Variants in CNTNAP2 observed in about 807,000 individuals in gnomAD.
CNTNAP2 encodes contactin-associated protein-like 2.
CNTNAP2 carries 98 observed loss-of-function variants against 155.2 expected under a neutral mutation model. The ratio of observed to expected loss-of-function variants is 0.63; its 90% CI spans 0.54 to 0.75. The LOEUF is 0.75. Among genes scored for constraint, CNTNAP2 ranks in the 30% least tolerant of loss-of-function variants. CNTNAP2 has a pLI of 0.00. For missense variants in CNTNAP2, 1,727 were observed against 1,688.1 expected, an observed-to-expected ratio of 1.02 and a Z score of -0.40; for synonymous variants, 651 against 631.2, an observed-to-expected ratio of 1.03 and a Z score of -0.47.
intron 1 of CNTNAP2, among the ~76,000 whole-genome samples, chr7:146,421,188 G>A (rs1307844179): frequency 6.6e-6 from 1 of 151,826 alleles, no homozygotes; most frequent in Non-Finnish European, 1.5e-5. Flanking sequence ...ACCATATAAT[G>A]GAATTTATTT....
intron 15 of CNTNAP2, among the ~76,000 whole-genome samples, chr7:147,993,881 C>A (rs1801757960): frequency 6.6e-6 from 1 of 152,034 alleles, no homozygotes; most frequent in African/African-American, 2.4e-5. Context: ...TACCTGTTTC[C>A]TTCCCCCTTC....
At chr7:146,712,008 T>A (rs867233146) in intron 1 of CNTNAP2, among the ~76,000 whole-genome samples, 1 of 39,324 alleles carries the variant, frequency 2.5e-5, no homozygotes, top group African/African-American at 2.1e-4. Flanking sequence ...TTATGTATAC[T>A]ATATAGTATA....
At chr7:147,985,115 AAAATAAATAAAT>A (rs111265967) in intron 15 of CNTNAP2, among the ~76,000 whole-genome samples, 30 of 145,472 alleles carry the variant, frequency 2.1e-4, no homozygotes, top group Non-Finnish European at 3.1e-4. Flanking sequence ...ACTCTGTCAA[AAAATAAATAAAT>A]AAATAAATAA....
chr7:148,202,723 G>A (rs1470062466), intron 18 of CNTNAP2, among the ~76,000 whole-genome samples: 1 of 152,128 alleles, frequency 6.6e-6, no homozygotes, highest in South Asian at 2.1e-4. Flanking sequence ...GAAGACAAAG[G>A]GGGATCTGGC....
chr7:148,409,430 C>G lies in CNTNAP2; in HGVS notation c.3755C>G (p.Ala1252Gly), dbSNP rs1799776710. The change falls in exon 23 of 24, where the codon GCT (alanine) becomes GGT (glycine). Residue 1252 changes from alanine (A) to glycine (G), a missense_variant. Coordinates refer to ENST00000361727, the MANE Select transcript of CNTNAP2 (RefSeq NM_014141.6). ...CCATATAATCCAGGACAAGGCCAAGCTATAAGAAATGGAGTCAACAGAAAC... is the reference window on the plus strand; with the variant it reads ...CCATATAATCCAGGACAAGGCCAAGGTATAAGAAATGGAGTCAACAGAAAC... ...DFPYNPGQGQAIRNGVNRNSA... is the reference protein window; with the variant it reads ...DFPYNPGQGQGIRNGVNRNSA... 2 of 1,613,728 alleles carry G rather than the reference C, an allele frequency of 1.2e-6. No individual in the cohort carries two copies. Among genetic ancestry groups the G allele is most frequent in the Non-Finnish European group, 1.7e-6 (2 of 1,179,850 alleles).
At chr7:147,891,732 A>T (rs1392965694) in intron 13 of CNTNAP2, among the ~76,000 whole-genome samples, 1 of 152,220 alleles carries the variant, frequency 6.6e-6, no homozygotes, top group Non-Finnish European at 1.5e-5. Flanking sequence ...TGGATATAAG[A>T]ATAATCTTAT....
chr7:147,559,172 G>A (rs769546198), intron 11 of CNTNAP2, among the ~76,000 whole-genome samples: 3 of 152,192 alleles, frequency 2.0e-5, no homozygotes, highest in Non-Finnish European at 4.4e-5. Flanking sequence ...CACCGTGCCC[G>A]GCCTAATTGT....
chr7:148,134,270 A>G (rs1038866984), intron 16 of CNTNAP2, among the ~76,000 whole-genome samples: 2 of 151,920 alleles, frequency 1.3e-5, no homozygotes, highest in Non-Finnish European at 2.9e-5. Flanking sequence ...TATTCTACAG[A>G]GTCTTTCTGG....
chr7:146,459,390 C>T (rs56111149), intron 1 of CNTNAP2, among the ~76,000 whole-genome samples: 1,990 of 152,236 alleles, frequency 0.013, 29 homozygotes, highest in Middle Eastern at 0.061. Flanking sequence ...TCAGGTAGCT[C>T]CAATTGCAAG....
intron 1 of CNTNAP2, among the ~76,000 whole-genome samples, chr7:146,292,083 A>G (rs886272027): frequency 2.2e-4 from 34 of 152,172 alleles, no homozygotes; most frequent in African/African-American, 6.3e-4. Flanking sequence ...CTGAGTAGAC[A>G]TTTTTCAAAA....
rs529312100 is a variant in CNTNAP2, at chr7:147,297,140, G to T, written c.1349-3001G>T. 3.3e-5 allele frequency among the ~76,000 whole-genome samples: 5 copies of T among 152,210 alleles called. No homozygotes were observed. The East Asian group carries it at 7.8e-4, about 24-fold the overall frequency. On this transcript the variant is annotated intron_variant, in intron 8 of 23. Transcript: ENST00000361727. ...AGAATGAGTCATATTGCACATTACC[G>T]TGTAGAGCTGAGAAGCCATAGTCAG...
At chr7:147,713,915 GTA>G (rs1333358597) in intron 13 of CNTNAP2, among the ~76,000 whole-genome samples, 1 of 151,972 alleles carries the variant, frequency 6.6e-6, no homozygotes, top group African/African-American at 2.4e-5. Flanking sequence ...TTATTTCATA[GTA>G]CTAGCAAAGT....
At chr7:146,617,654 T>C (rs184827795) in intron 1 of CNTNAP2, among the ~76,000 whole-genome samples, 33 of 152,330 alleles carry the variant, frequency 2.2e-4, no homozygotes, top group African/African-American at 7.7e-4. Flanking sequence ...CAATTAAAAT[T>C]GATACATCAA....
At chr7:147,426,824 T>G (rs1308456610) in intron 10 of CNTNAP2, among the ~76,000 whole-genome samples, 1 of 149,668 alleles carries the variant, frequency 6.7e-6, no homozygotes, top group African/African-American at 2.5e-5. Flanking sequence ...TAGTTTTTGT[T>G]GGATGGATGG....
chr7:146,153,404 C>T (rs1308283682), intron 1 of CNTNAP2, among the ~76,000 whole-genome samples: 1 of 152,072 alleles, frequency 6.6e-6, no homozygotes, highest in Non-Finnish European at 1.5e-5. Context: ...ATGAAACATC[C>T]ACTTTTACAA....
intron 1 of CNTNAP2, among the ~76,000 whole-genome samples, chr7:146,579,655 C>G (rs972689315): frequency 1.3e-5 from 2 of 152,052 alleles, no homozygotes; most frequent in Admixed American, 6.6e-5. Context: ...TTCATCATTT[C>G]ACAAATTTGG....
chr7:147,584,424 A>G (rs1800578346), intron 12 of CNTNAP2, among the ~76,000 whole-genome samples: 1 of 152,194 alleles, frequency 6.6e-6, no homozygotes, highest in Non-Finnish European at 1.5e-5. Context: ...TTTGTAAAGG[A>G]TCATTTTAGA....
chr7:148,256,614 C>T (rs925577979), intron 20 of CNTNAP2, among the ~76,000 whole-genome samples: 3 of 152,248 alleles, frequency 2.0e-5, no homozygotes, highest in Non-Finnish European at 4.4e-5. Context: ...AAACCAGCCA[C>T]TTTTCTCTTT....
intron 14 of CNTNAP2, 132 bp from the exon 15 acceptor site, chr7:147,977,730 A>C: frequency 7.9e-7 from 1 of 1,268,694 alleles, no homozygotes; most frequent in Non-Finnish European, 1.1e-6. Flanking sequence ...CAACTCTTTA[A>C]CTGTGGCTTT....
Sources: gnomAD v4.1 joint callset for allele counts (sites outside exome capture counted in the v4.1 genomes callset) on GRCh38, gnomAD v4.1.1 for gene constraint, MANE v1.5 for transcripts, NCBI Gene and HGNC (gene_info 2026-07-23, HGNC 2026-07-21) for gene names.